ARHGEF10: variants seen among roughly 807,000 people sequenced by gnomAD.
ARHGEF10 encodes the protein Rho guanine nucleotide exchange factor 10, also known as Rho guanine nucleotide exchange factor (GEF) 10.
In ARHGEF10, 140 loss-of-function variants were observed where a neutral mutation model predicts 147.4. That is an observed-to-expected ratio of 0.95 (90% CI 0.83 to 1.09). The LOEUF (loss-of-function observed/expected upper bound fraction) is 1.09, where lower values mean the gene tolerates loss of function less well. Among genes scored for constraint, ARHGEF10 ranks in the 50% least tolerant of loss-of-function variants. The probability of loss-of-function intolerance (pLI) is 0.00; values close to 1 mark genes in which losing one functional copy is unlikely to be tolerated. For synonymous variants in ARHGEF10, 902 were observed against 695.8 expected, an observed-to-expected ratio of 1.30 and a Z score of -4.67; for missense variants, 2,222 against 1,752.7, an observed-to-expected ratio of 1.27 and a Z score of -4.78.
rs368714853 is a variant in ARHGEF10 at position 1,880,885 on chromosome 8, C to T, written c.960+721C>T. Among the ~76,000 whole-genome samples the T allele has an allele frequency of 3.0e-4, 45 of 152,356 alleles. No individual in the cohort carries two copies. The South Asian group carries it at 8.7e-3, about 29-fold the overall frequency. On this transcript the variant is annotated intron_variant, in intron 9 of 28. Transcript: ENST00000349830. The stretch of plus-strand genomic sequence containing the variant: ...TTCTGGAGCAGCCGGCTCATCCGCC[C>T]TGTTGTGCTTGGGCCATCAGAAGCC...
At chr8:1,874,101 A>G (rs4455883) in intron 7 of ARHGEF10, among the ~76,000 whole-genome samples, 151,157 of 152,364 alleles carry the variant, frequency 0.99, 74,983 homozygotes, top group East Asian at 1. Flanking sequence ...TTAACGTTCA[A>G]TTTTAGAACC....
intron 27 of ARHGEF10, among the ~76,000 whole-genome samples, chr8:1,952,470 G>A (rs1268296965): frequency 1.3e-5 from 2 of 152,240 alleles, no homozygotes; most frequent in Non-Finnish European, 1.5e-5. Flanking sequence ...GACCCAACCA[G>A]ACATCTGGCC....
rs957957637 is a variant in ARHGEF10 at position 1,888,733 on chromosome 8, T to A, written c.1182+3026T>A. On this transcript the variant is annotated intron_variant, in intron 11 of 28. Transcript: ENST00000349830. ...TGAGGAGACACTGAATAGGGTGAGG[T>A]TTGTGAGGAGACACTGAATAGGGTG... 7.2e-3 allele frequency among the ~76,000 whole-genome samples: 155 copies of A among 21,594 alleles called. 15 individuals are homozygous for A. The highest frequency in any genetic ancestry group is 0.013 in the East Asian group (2 of 150). 14.2% of individuals were successfully genotyped at this position (21,594 alleles called of 152,430 possible). A position where few individuals can be genotyped will look rare whatever the true frequency, so the allele number is the denominator to read the frequency against.
At chr8:1,833,498 C>T (rs1803394277) in intron 1 of ARHGEF10, among the ~76,000 whole-genome samples, 1 of 152,112 alleles carries the variant, frequency 6.6e-6, no homozygotes. Flanking sequence ...CAGCCCGGGG[C>T]CTTCAGCCGC....
chr8:1,857,531 T>A (rs527264494), intron 2 of ARHGEF10, among the ~76,000 whole-genome samples: 2 of 152,038 alleles, frequency 1.3e-5, no homozygotes, highest in South Asian at 4.2e-4. Flanking sequence ...GCCATTCTCC[T>A]GCCCCACCTT....
At chr8:1,865,812 C>T (rs1262890025) in intron 5 of ARHGEF10, among the ~76,000 whole-genome samples, 1 of 152,218 alleles carries the variant, frequency 6.6e-6, no homozygotes. Flanking sequence ...TTGGCCTTCC[C>T]AGCAGTGTCT....
chr8:1,935,384 C>T (rs1336842616), intron 26 of ARHGEF10, among the ~76,000 whole-genome samples: 1 of 152,180 alleles, frequency 6.6e-6, no homozygotes, highest in African/African-American at 2.4e-5. Flanking sequence ...TGTATCTCAG[C>T]ATTGTCCACC....
chr8:1,838,518 A>T (rs73671004), intron 1 of ARHGEF10, among the ~76,000 whole-genome samples: 2,317 of 152,352 alleles, frequency 0.015, 64 homozygotes, highest in African/African-American at 0.053. Flanking sequence ...TGCTGTGTGC[A>T]CGCCGGAGGC....
intron 6 of ARHGEF10, among the ~76,000 whole-genome samples, chr8:1,867,816 C>T (rs1310240202): frequency 6.6e-6 from 1 of 152,200 alleles, no homozygotes; most frequent in East Asian, 1.9e-4. Context: ...CAAGGTAGAA[C>T]CATCTTAGTT....
chr8:1,931,843 G>A (rs1231985140), intron 25 of ARHGEF10, among the ~76,000 whole-genome samples: 6 of 152,228 alleles, frequency 3.9e-5, no homozygotes. Context: ...ACATACACAG[G>A]GAGAAGTCAT....
chr8:1,950,634 G>A (rs1474566878), intron 27 of ARHGEF10, among the ~76,000 whole-genome samples: 2 of 151,668 alleles, frequency 1.3e-5, no homozygotes, highest in Non-Finnish European at 2.9e-5. Context: ...CCGGGTTCAA[G>A]CAATTCTCCT....
At chr8:1,863,331 G>T (rs1272763278) in intron 4 of ARHGEF10, among the ~76,000 whole-genome samples, 5 of 152,250 alleles carry the variant, frequency 3.3e-5, no homozygotes, top group Non-Finnish European at 5.9e-5. Flanking sequence ...AGCTCCTGGT[G>T]TGACCAGGGA....
intron 11 of ARHGEF10, among the ~76,000 whole-genome samples, chr8:1,888,513 A>C (rs1809001543): frequency 9.4e-6 from 1 of 106,232 alleles, no homozygotes; most frequent in African/African-American, 4.7e-5. Flanking sequence ...GGAGATACTG[A>C]GTGGGGTGAG....
At chr8:1,951,754 A>T (rs1815067635) in intron 27 of ARHGEF10, among the ~76,000 whole-genome samples, 1 of 152,240 alleles carries the variant, frequency 6.6e-6, no homozygotes, top group Non-Finnish European at 1.5e-5. Flanking sequence ...ACTGGGGATT[A>T]GCTTTTCTGT....
At chr8:1,901,232 C>T (rs3758015) in intron 15 of ARHGEF10, among the ~76,000 whole-genome samples, 57,624 of 151,870 alleles carry the variant, frequency 0.38, 11,391 homozygotes, top group African/African-American at 0.47. Context: ...TGCCTTCTGC[C>T]GTAGTCCGTG....
rs1304905404 is a variant in ARHGEF10, at chr8:1,933,931, C to T, written c.3211C>T (p.His1071Tyr). 1.2e-6 allele frequency: 2 copies of T among 1,614,050 alleles called. No individual in the cohort carries two copies. Among genetic ancestry groups the T allele is most frequent in the African/African-American group, 1.3e-5 (1 of 74,914 alleles). Reference sequence around the variant, plus strand: ...AGTCTTCATCATCAGTGTGGAGACTCATGCTGTAGAGGTAAGTCACTTAGG... The same window carrying T: ...AGTCTTCATCATCAGTGTGGAGACTTATGCTGTAGAGGTAAGTCACTTAGG... Reference protein sequence around the residue: ...GQVFIISVETHAVEGQLEAHQ... With the variant: ...GQVFIISVETYAVEGQLEAHQ... Residue 1071 changes from histidine (H) to tyrosine (Y), a missense_variant, in exon 26 of 29, where the codon CAT becomes TAT. His to Tyr is a moderately conservative substitution (Grantham distance 83, BLOSUM62 2). Transcript: ENST00000349830.
intron 27 of ARHGEF10, among the ~76,000 whole-genome samples, chr8:1,950,730 G>GTT (rs71211528): frequency 2.4e-4 from 26 of 108,462 alleles, no homozygotes; most frequent in Non-Finnish European, 3.4e-4. Context: ...TGTTTTTTAG[G>GTT]TTTTTTTTTT....
Position 1,918,853 on chromosome 8 carries a change from G to A in ARHGEF10, c.2144-4111G>A, listed in dbSNP as rs558277651. On this transcript the variant is annotated intron_variant, in intron 18 of 28. Transcript: ENST00000349830. Reference sequence around the variant, plus strand: ...GAGCTGTTCTGTGGGTGATAGAGCTGTTATGTGGATGATGGAGCTGCTTTG... The same window carrying A: ...GAGCTGTTCTGTGGGTGATAGAGCTATTATGTGGATGATGGAGCTGCTTTG... Among the ~76,000 whole-genome samples, 20 of 151,764 alleles carry A rather than the reference G, an allele frequency of 1.3e-4. No homozygotes were observed. In the South Asian group the frequency reaches 4.0e-3, roughly 30 times the overall value.
intron 26 of ARHGEF10, among the ~76,000 whole-genome samples, chr8:1,938,665 G>C (rs1253491682): frequency 6.6e-6 from 1 of 152,204 alleles, no homozygotes; most frequent in Non-Finnish European, 1.5e-5. Context: ...AGCGGGCACG[G>C]TGGCTCACAC....
Sources: allele counts gnomAD v4.1 joint callset (sites outside exome capture counted in the v4.1 genomes callset), GRCh38; gene constraint gnomAD v4.1.1; transcripts MANE v1.5; gene names NCBI Gene and HGNC (gene_info 2026-07-23, HGNC 2026-07-21).